SPG11: variants seen among roughly 807,000 people sequenced by gnomAD.
SPG11 encodes SPG11 vesicle trafficking associated, spatacsin.
Under a neutral mutation model 274.0 loss-of-function variants are expected in SPG11, and 222 were observed. The observed-to-expected ratio is 0.81, with a 90% CI of 0.73 to 0.91. The LOEUF (loss-of-function observed/expected upper bound fraction) is 0.91. SPG11 is among the 40% of genes least tolerant of loss of function. The pLI, the probability that SPG11 is intolerant of heterozygous loss-of-function variation, is 0.00. For synonymous variants in SPG11, 1,144 were observed against 1,039.7 expected, an observed-to-expected ratio of 1.10 and a Z score of -1.93; for missense variants, 3,114 against 2,872.7, an observed-to-expected ratio of 1.08 and a Z score of -1.92.
intron 9 of SPG11, among the ~76,000 whole-genome samples, 155 bp downstream of exon 9, chr15:44,629,078 C>G (rs1196280093): frequency 1.3e-5 from 2 of 152,176 alleles, no homozygotes; most frequent in African/African-American, 4.8e-5. Context: ...TTCTCAGTAT[C>G]AAAACCCATT....
chr15:44,640,378 C>T (rs972238560), intron 7 of SPG11, among the ~76,000 whole-genome samples: 1 of 151,996 alleles, frequency 6.6e-6, no homozygotes, highest in Non-Finnish European at 1.5e-5. Flanking sequence ...GCCCCGCCCC[C>T]CAAAAGACAA....
In SPG11 at chr15:44,570,622, G is replaced by T. The variant is rs773909173; in HGVS notation, c.6380C>A (p.Thr2127Asn). Reference sequence around the variant, plus strand: ...GATGCCCTCCATGTGGCACGTCAGGGTGAAGCAATGATGGGCCAGGATCAG... The same window carrying T: ...GATGCCCTCCATGTGGCACGTCAGGTTGAAGCAATGATGGGCCAGGATCAG... ...ELLILAHHCF[T>N]LTCHMEGIIR... Residue 2127 changes from threonine to asparagine, a missense_variant, in exon 34 of 40, where the codon ACC (threonine) becomes AAC (asparagine). By Grantham distance (65) the Thr-to-Asn change is moderately conservative (BLOSUM62 0). Coordinates refer to ENST00000261866, the MANE Select transcript of SPG11 (RefSeq NM_025137.4). 2 of 1,613,966 alleles carry T rather than the reference G, an allele frequency of 1.2e-6. No homozygotes were observed. Among genetic ancestry groups the T allele is most frequent in the Non-Finnish European group, 1.7e-6 (2 of 1,179,988 alleles).
intron 7 of SPG11, among the ~76,000 whole-genome samples, chr15:44,644,166 CA>C (rs35554299): frequency 0.03 from 2,598 of 86,900 alleles, 26 homozygotes; most frequent in South Asian, 0.05. Context: ...GACTCCATCT[CA>C]AAAAAAAAAA....
chr15:44,633,522 G>C lies in SPG11; in HGVS notation c.1718C>G (p.Ser573Cys). ...SVSDQFDHLS[S>C]HLYLRNVEEL... ...CCACTTACTTCTTAAATATAAATGG[G>C]ATGACAAGTGATCAAACTGATCAGA... Residue 573 changes from serine to cysteine, a missense_variant, in exon 8 of 40, where the codon TCC (serine) becomes TGC (cysteine). Ser to Cys is a moderately radical substitution (Grantham distance 112). Coordinates refer to ENST00000261866, the MANE Select transcript of SPG11 (RefSeq NM_025137.4). 1 of 1,599,826 alleles carries C rather than the reference G, an allele frequency of 6.3e-7. No homozygotes were observed. Among genetic ancestry groups the C allele is most frequent in the African/African-American group, 1.3e-5 (1 of 74,576 alleles).
chr15:44,651,016 G>A (rs552053292), intron 6 of SPG11, among the ~76,000 whole-genome samples: 2 of 152,268 alleles, frequency 1.3e-5, no homozygotes, highest in African/African-American at 4.8e-5. Context: ...CCAAAGTGCT[G>A]GGATTACAGG....
At position 44,563,244 on chromosome 15, in the gene SPG11, TGTGA is replaced by T. The variant is rs2082231243; in HGVS notation, c.7205_7208del (p.Leu2402HisfsTer22). The T allele has an allele frequency of 1.2e-6, 2 of 1,614,092 alleles. No homozygotes were observed. Among genetic ancestry groups the T allele is most frequent in the South Asian group, 1.1e-5 (1 of 91,086 alleles). ...AATACAGGTAAACATCTTCACAATA[TGTGA>T]GTAATTTCTTCAGGTTTTCCATGAC... is the stretch of plus-strand genomic sequence containing the variant. On this transcript the variant is annotated frameshift_variant, in exon 40 of 40. Transcript: ENST00000261866. LOFTEE classifies it high-confidence loss of function.
intron 8 of SPG11, among the ~76,000 whole-genome samples, chr15:44,630,174 T>C (rs1254765586): frequency 2.6e-5 from 4 of 152,258 alleles, no homozygotes; most frequent in Admixed American, 1.3e-4. Context: ...CCCCTGGATG[T>C]TGCATCGGCA....
chr15:44,629,493 G>C, intron 8 of SPG11, 105 bp from the exon 9 acceptor site: 1 of 1,255,496 alleles, frequency 8.0e-7, no homozygotes, highest in Non-Finnish European at 1.1e-6. Context: ...ATAAAACAAG[G>C]ACCAATGTCT....
chr15:44,622,059 A>G, intron 13 of SPG11, 125 bp from the exon 14 acceptor site: 3 of 1,167,030 alleles, frequency 2.6e-6, no homozygotes, highest in African/African-American at 1.6e-5. Flanking sequence ...AAATATTAAA[A>G]TGACAGAAAA....
intron 27 of SPG11, 92 bp from the exon 28 acceptor site, chr15:44,589,506 A>G: frequency 1.3e-6 from 2 of 1,499,476 alleles, no homozygotes; most frequent in Non-Finnish European, 1.8e-6. Flanking sequence ...GAAAGCTAAA[A>G]TTCCCTCAAA....
intron 15 of SPG11, 141 bp downstream of exon 15, chr15:44,620,049 T>C: frequency 1.3e-6 from 1 of 747,124 alleles, no homozygotes; most frequent in South Asian, 1.6e-5. Context: ...CACTGTAAGA[T>C]GATGCCCTTT....
rs1387498718 is a variant in SPG11 at position 44,572,808 on chromosome 15, A to T, written c.6218T>A (p.Met2073Lys). The T allele has an allele frequency of 1.2e-6, 2 of 1,613,976 alleles. No individual in the cohort carries two copies. The highest frequency in any genetic ancestry group is 2.2e-5 in the South Asian group (2 of 91,066). Reference sequence around the variant, plus strand: ...CTGGCTTTCCTCTGTTGGGTTGAACATCTGCTTATGTCCTGTACAGAGAGG... The same window carrying T: ...CTGGCTTTCCTCTGTTGGGTTGAACTTCTGCTTATGTCCTGTACAGAGAGG... The part of the protein sequence containing the change: ...TSSQGTGHKQ[M>K]FNPTEESQTF... Residue 2073 changes from methionine (M) to lysine (K), a missense_variant, in exon 33 of 40, where the codon ATG becomes AAG. Coordinates refer to ENST00000261866, the MANE Select transcript of SPG11 (RefSeq NM_025137.4).
chr15:44,615,176 A>G (rs1175681377), intron 16 of SPG11, among the ~76,000 whole-genome samples, 187 bp downstream of exon 16: 1 of 152,222 alleles, frequency 6.6e-6, no homozygotes, highest in Admixed American at 6.5e-5. Context: ...AAAACACATA[A>G]GCATTTTGCT....
intron 39 of SPG11, among the ~76,000 whole-genome samples, chr15:44,563,999 C>T (rs1055771144): frequency 2.6e-5 from 4 of 151,964 alleles, no homozygotes; most frequent in South Asian, 2.1e-4. Flanking sequence ...TAGTGTTTTT[C>T]GTTTCTTTTT....
chr15:44,649,962 C>A (rs970134867), intron 6 of SPG11, among the ~76,000 whole-genome samples: 1 of 151,528 alleles, frequency 6.6e-6, no homozygotes, highest in Non-Finnish European at 1.5e-5. Context: ...AATCCTGGAA[C>A]CTTTAATCAT....
Position 44,598,833 on chromosome 15 carries a change from G to T in SPG11, c.3690C>A (p.Ile1230=). 6.2e-7 allele frequency: 1 copy of T among 1,614,000 alleles called. No individual in the cohort carries two copies. ...CATAGGCTTCATTGCCTACTTGCTG[G>T]ATCCTGAAAAAGAAAGGAATCAAAA... ...LIKSKTPKQL[I]QQVGNEAYVI... Residue 1230 remains isoleucine (I), a synonymous_variant, in exon 22 of 40, where the codon ATC becomes ATA. Transcript: ENST00000261866.
At chr15:44,611,933 G>A (rs1459410226) in intron 17 of SPG11, among the ~76,000 whole-genome samples, 2 of 147,120 alleles carry the variant, frequency 1.4e-5, no homozygotes, top group Non-Finnish European at 3.0e-5. Context: ...AGCCTCCCAA[G>A]TAGCCGGGAC....
rs201535432 is a variant in SPG11 at position 44,648,856 on chromosome 15, A to G, written c.1602+10T>C. On this transcript the variant is annotated intron_variant, in intron 7 of 39. Transcript: ENST00000261866. ...ATTAAGTAATGTTCTTGGGCATTTAATTCTGTTACCTCTAGTGCATGTATG... is the reference window on the plus strand; with the variant it reads ...ATTAAGTAATGTTCTTGGGCATTTAGTTCTGTTACCTCTAGTGCATGTATG... 6.2e-7 allele frequency: 1 copy of G among 1,613,828 alleles called. No individual in the cohort carries two copies. Among genetic ancestry groups the G allele is most frequent in the South Asian group, 1.1e-5 (1 of 91,078 alleles).
chr15:44,624,766 A>T (rs1461136677), intron 11 of SPG11, among the ~76,000 whole-genome samples: 1 of 152,204 alleles, frequency 6.6e-6, no homozygotes, highest in Non-Finnish European at 1.5e-5. Context: ...ATATCAAAAC[A>T]TCATATTGTA....
Sources: allele counts gnomAD v4.1 joint callset (sites outside exome capture counted in the v4.1 genomes callset), GRCh38; gene constraint gnomAD v4.1.1; transcripts MANE v1.5; gene names NCBI Gene and HGNC (gene_info 2026-07-23, HGNC 2026-07-21).